The following TTC7B variants were observed in gnomAD, a reference collection of about 807,000 sequenced individuals.
TTC7B encodes tetratricopeptide repeat domain 7B, also known as tetratricopeptide repeat protein 7B.
A neutral mutation model predicts 106.8 loss-of-function variants in TTC7B; 28 were observed. The ratio of observed to expected loss-of-function variants is 0.26; its 90% CI spans 0.19 to 0.36. TTC7B has a LOEUF of 0.36. TTC7B is among the 10% of genes least tolerant of loss of function. TTC7B has a pLI of 1.00. For missense variants in TTC7B, 862 were observed against 1,076.4 expected, an observed-to-expected ratio of 0.80 and a Z score of 2.79; for synonymous variants, 405 against 430.6, an observed-to-expected ratio of 0.94 and a Z score of 0.74.
At chr14:90,699,048 C>G in intron 5 of TTC7B, 1 of 384,662 alleles carries the variant, frequency 2.6e-6, no homozygotes. Flanking sequence ...GCATTCAACC[C>G]TCCCTCTCGA....
At position 90,794,726 on chromosome 14, in the gene TTC7B, AG is replaced by A. The variant is rs143479225; in HGVS notation, c.122-8399del. 3.3e-5 allele frequency among the ~76,000 whole-genome samples: 5 copies of A among 152,244 alleles called. No individual in the cohort carries two copies. In the East Asian group the frequency reaches 9.6e-4, roughly 29 times the overall value. ...AAAACAATTTCCGAAATTTTTCAAAAGTCCAGGCGCTAAGTTAATCTCCCAA... is the reference window on the plus strand; with the variant it reads ...AAAACAATTTCCGAAATTTTTCAAAATCCAGGCGCTAAGTTAATCTCCCAA... On this transcript the variant is annotated intron_variant, in intron 1 of 19. Transcript: ENST00000328459.
intron 15 of TTC7B, among the ~76,000 whole-genome samples, chr14:90,635,832 A>G (rs1884915489): frequency 6.7e-6 from 1 of 149,918 alleles, no homozygotes; most frequent in African/African-American, 2.5e-5. Context: ...TAAAAATTCA[A>G]AAAGTGGCCG....
At position 90,600,678 on chromosome 14, in the gene TTC7B, C is replaced by T. The variant is rs376576926; in HGVS notation, c.1967-7052G>A. On this transcript the variant is annotated intron_variant, in intron 17 of 19. Transcript: ENST00000328459. This position sits in a 1 kb window ranked among gnomAD's most constrained non-coding sequence, Gnocchi z 4.3. ...GGGAGGGCCGGGGACATGTCATCAC[C>T]GGTGGGCATGCGGGGCTAGCGCAGC... 3.3e-5 allele frequency among the ~76,000 whole-genome samples: 5 copies of T among 152,168 alleles called. No homozygotes were observed. The highest frequency in any genetic ancestry group is 2.6e-4 in the Admixed American group (4 of 15,284).
In TTC7B at chr14:90,721,565, T is replaced by C. The variant is rs575296591; in HGVS notation, c.698+8510A>G. ...TTACGTGAGACCAATTAGAAGACGA[T>C]AGACTAGCTTTTTAAGGTCCTTAAT... On this transcript the variant is annotated intron_variant, in intron 5 of 19. Transcript: ENST00000328459. Among the ~76,000 whole-genome samples, 93 of 152,296 alleles carry C rather than the reference T, an allele frequency of 6.1e-4. 1 individual carries two copies. Among genetic ancestry groups the C allele is most frequent in the African/African-American group, 2.2e-3 (92 of 41,554 alleles).
chr14:90,675,027 G>A (rs1886772117), intron 9 of TTC7B: 1 of 152,336 alleles, frequency 6.6e-6, no homozygotes, highest in African/African-American at 2.4e-5. Context: ...ACAGGCCCCG[G>A]AGCCACAGCT....
chr14:90,720,029 T>C (rs948085157), intron 5 of TTC7B, among the ~76,000 whole-genome samples: 49 of 152,094 alleles, frequency 3.2e-4, no homozygotes, highest in Non-Finnish European at 4.9e-4. Flanking sequence ...CAGACCTTTT[T>C]TTTTTTTTTA....
At position 90,608,910 on chromosome 14, in the gene TTC7B, C is replaced by T. The variant is rs111260766; in HGVS notation, c.1966+1832G>A. Among the ~76,000 whole-genome samples, 2,807 of 152,320 alleles carry T rather than the reference C, an allele frequency of 0.018. 91 individuals are homozygous for T. The highest frequency in any genetic ancestry group is 0.064 in the African/African-American group (2,648 of 41,558). On this transcript the variant is annotated intron_variant, in intron 17 of 19. Transcript: ENST00000328459. The surrounding 1 kb of genome is among the most constrained non-coding windows in gnomAD (Gnocchi z 5.1). ...GGTCTGAATTTAGTGTGGCTGTTCTCACAGGATACTTAGGAGGGAGAAAAG... is the reference window on the plus strand; with the variant it reads ...GGTCTGAATTTAGTGTGGCTGTTCTTACAGGATACTTAGGAGGGAGAAAAG...
At chr14:90,552,514 TGG>T (rs1890130121) in intron 19 of TTC7B, among the ~76,000 whole-genome samples, 1 of 152,104 alleles carries the variant, frequency 6.6e-6, no homozygotes, top group Non-Finnish European at 1.5e-5. Flanking sequence ...TGTCACCAGG[TGG>T]CCTCCAATCC....
chr14:90,769,428 C>T (rs2140024773), intron 3 of TTC7B, among the ~76,000 whole-genome samples: 1 of 152,258 alleles, frequency 6.6e-6, no homozygotes, highest in South Asian at 2.1e-4. Flanking sequence ...CTACAAGAAA[C>T]TCTAGATCCA....
At chr14:90,630,056 T>C (rs1362329148) in intron 15 of TTC7B, among the ~76,000 whole-genome samples, 1 of 152,226 alleles carries the variant, frequency 6.6e-6, no homozygotes. Context: ...TCTCAGGACA[T>C]GGCTGTCTCC....
At chr14:90,623,450 G>A (rs188025882) in intron 15 of TTC7B, among the ~76,000 whole-genome samples, 61 of 152,262 alleles carry the variant, frequency 4.0e-4, no homozygotes, top group Admixed American at 6.5e-4. Flanking sequence ...TGAAGATAGC[G>A]GCACTAAAGA....
chr14:90,553,549 T>C (rs1346275674), intron 19 of TTC7B, among the ~76,000 whole-genome samples: 2 of 152,134 alleles, frequency 1.3e-5, no homozygotes, highest in African/African-American at 4.8e-5. Flanking sequence ...GTCTGAACTG[T>C]TGGTTAAATG....
chr14:90,777,691 C>A (rs1428156475), intron 3 of TTC7B, among the ~76,000 whole-genome samples: 1 of 152,138 alleles, frequency 6.6e-6, no homozygotes, highest in South Asian at 2.1e-4. Flanking sequence ...TCCTGAGGGA[C>A]CTTGGTGAAG....
chr14:90,627,816 A>G (rs1442040999), intron 15 of TTC7B, among the ~76,000 whole-genome samples: 1 of 152,146 alleles, frequency 6.6e-6, no homozygotes, highest in East Asian at 1.9e-4. Flanking sequence ...AAGAAACCCC[A>G]GTTTGGCTCA....
At chr14:90,615,209 A>C (rs1399500418) in intron 16 of TTC7B, among the ~76,000 whole-genome samples, 1 of 152,216 alleles carries the variant, frequency 6.6e-6, no homozygotes, top group Non-Finnish European at 1.5e-5. Context: ...AAAATCGAGA[A>C]GAGGGAACGG....
chr14:90,586,025 G>A (rs1309511430), intron 18 of TTC7B, among the ~76,000 whole-genome samples: 1 of 152,236 alleles, frequency 6.6e-6, no homozygotes, highest in African/African-American at 2.4e-5. Flanking sequence ...TTATGTGGTT[G>A]TCCTAACTCT....
rs1334304819 is a variant in TTC7B at position 90,596,576 on chromosome 14, C to G, written c.1967-2950G>C. Among the ~76,000 whole-genome samples the G allele has an allele frequency of 3.9e-5, 6 of 152,134 alleles. No homozygotes were observed. The South Asian group carries it at 1.2e-3, about 32-fold the overall frequency. ...CTGATTCCAAATCTGTCCTCTAAGT[C>G]CAGCTCTGATGCCACCTCCTACAGG... On this transcript the variant is annotated intron_variant, in intron 17 of 19. Coordinates refer to ENST00000328459, the MANE Select transcript of TTC7B (RefSeq NM_001010854.2).
chr14:90,733,305 G>T (rs973723315), intron 4 of TTC7B, among the ~76,000 whole-genome samples: 1 of 151,678 alleles, frequency 6.6e-6, no homozygotes, highest in Admixed American at 6.6e-5. Context: ...GAATCATGTG[G>T]CTTGAGAGCG....
intron 16 of TTC7B, among the ~76,000 whole-genome samples, chr14:90,615,650 C>T (rs1409782153): frequency 6.6e-6 from 1 of 152,172 alleles, no homozygotes; most frequent in African/African-American, 2.4e-5. Flanking sequence ...AAGACACAGC[C>T]CTTCCTTCAG....
Sources: gnomAD v4.1 joint callset for allele counts (sites outside exome capture counted in the v4.1 genomes callset) on GRCh38, gnomAD v4.1.1 for gene constraint, Gnocchi (gnomAD v3.1) non-coding constraint, MANE v1.5 for transcripts, NCBI Gene and HGNC (gene_info 2026-07-23, HGNC 2026-07-21) for gene names.